Variants in CCDC148 observed in about 807,000 individuals in gnomAD.
CCDC148 encodes the protein coiled-coil domain-containing protein 148.
A neutral mutation model predicts 85.7 loss-of-function variants in CCDC148; 89 were observed. The observed-to-expected ratio is 1.04, with a 90% confidence interval of 0.87 to 1.24. CCDC148 has a LOEUF of 1.24. Among genes scored for constraint, CCDC148 ranks in the 50% most tolerant of loss-of-function variants. The pLI, the probability that CCDC148 is intolerant of heterozygous loss-of-function variation, is 0.00. For synonymous variants in CCDC148, 230 were observed against 213.9 expected, an observed-to-expected ratio of 1.08 and a Z score of -0.66; for missense variants, 692 against 671.7, an observed-to-expected ratio of 1.03 and a Z score of -0.33.
intron 2 of CCDC148, among the ~76,000 whole-genome samples, chr2:158,354,751 C>A (rs926153708): frequency 2.0e-5 from 3 of 150,286 alleles, no homozygotes; most frequent in Non-Finnish European, 4.5e-5. Flanking sequence ...ATTCTGATAC[C>A]AAAGCCGGGC....
intron 7 of CCDC148, among the ~76,000 whole-genome samples, chr2:158,314,330 C>T (rs1482043906): frequency 6.6e-6 from 1 of 151,928 alleles, no homozygotes; most frequent in Admixed American, 6.6e-5. Context: ...AATTATGTAA[C>T]GGAAAATAAA....
chr2:158,259,688 T>C (rs1396344375), intron 9 of CCDC148, among the ~76,000 whole-genome samples: 1 of 151,972 alleles, frequency 6.6e-6, no homozygotes, highest in Non-Finnish European at 1.5e-5. Context: ...TATTCATTTA[T>C]TTGTATACCA....
chr2:158,285,311 T>C (rs900533551), intron 9 of CCDC148, among the ~76,000 whole-genome samples: 1 of 145,604 alleles, frequency 6.9e-6, no homozygotes, highest in Admixed American at 6.8e-5. Context: ...AAAAAATCAG[T>C]GTATGAGATT....
intron 9 of CCDC148, among the ~76,000 whole-genome samples, chr2:158,274,544 T>C (rs1403468890): frequency 6.6e-6 from 1 of 152,220 alleles, no homozygotes; most frequent in Non-Finnish European, 1.5e-5. Flanking sequence ...TTTTTATTTC[T>C]CTTTTACATT....
chr2:158,437,360 G>C (rs1687708802), intron 1 of CCDC148, among the ~76,000 whole-genome samples: 1 of 152,102 alleles, frequency 6.6e-6, no homozygotes, highest in African/African-American at 2.4e-5. Flanking sequence ...CACATAAACA[G>C]AACCAAAGAC....
At chr2:158,188,748 A>G (rs1398717976) in intron 11 of CCDC148, among the ~76,000 whole-genome samples, 1 of 152,082 alleles carries the variant, frequency 6.6e-6, no homozygotes, top group African/African-American at 2.4e-5. Flanking sequence ...GTAGGACCTA[A>G]TTAAACTAAA....
intron 1 of CCDC148, among the ~76,000 whole-genome samples, chr2:158,407,684 T>C (rs1390994046): frequency 6.6e-5 from 10 of 152,160 alleles, no homozygotes; most frequent in Admixed American, 1.3e-4. Flanking sequence ...TTAAAAATAA[T>C]GTGGGTCCCA....
chr2:158,347,892 G>C (rs892183248), intron 2 of CCDC148, among the ~76,000 whole-genome samples: 2 of 151,930 alleles, frequency 1.3e-5, no homozygotes, highest in African/African-American at 4.8e-5. Context: ...ATAAAGAACT[G>C]TTAACATAAA....
rs1682541302 is a variant in CCDC148 at position 158,339,103 on chromosome 2, C to A, written c.487-18G>T. 6.5e-7 allele frequency: 1 copy of A among 1,548,818 alleles called. No homozygotes were observed. Among genetic ancestry groups the A allele is most frequent in the South Asian group, 1.1e-5 (1 of 88,334 alleles). Reference sequence around the variant, plus strand: ...AAGTCAACCTATAGGACATTTGGAACAAGTAGTAGGCAAATTATTGCAATT... The same window carrying A: ...AAGTCAACCTATAGGACATTTGGAAAAAGTAGTAGGCAAATTATTGCAATT... On this transcript the variant is annotated intron_variant, in intron 5 of 13. Coordinates refer to ENST00000283233, the MANE Select transcript of CCDC148 (RefSeq NM_138803.4).
chr2:158,321,961 G>A (rs62184079), intron 7 of CCDC148, among the ~76,000 whole-genome samples: 8,897 of 152,194 alleles, frequency 0.058, 360 homozygotes, highest in Non-Finnish European at 0.081. Flanking sequence ...GAACATGAAC[G>A]TGACACTGAT....
At chr2:158,426,299 A>G (rs191956582) in intron 1 of CCDC148, among the ~76,000 whole-genome samples, 83 of 152,202 alleles carry the variant, frequency 5.5e-4, no homozygotes, top group African/African-American at 1.9e-3. Context: ...ACTGAACAAA[A>G]TATTTTCTAT....
chr2:158,283,680 A>G (rs1690460205), intron 9 of CCDC148, among the ~76,000 whole-genome samples: 1 of 152,028 alleles, frequency 6.6e-6, no homozygotes, highest in African/African-American at 2.4e-5. Context: ...TGTTGGTGGG[A>G]CTGTAAACTA....
chr2:158,266,842 ATG>A lies in CCDC148; in HGVS notation c.1111-15932_1111-15931del, dbSNP rs537881676. On this transcript the variant is annotated intron_variant, in intron 9 of 13. Transcript: ENST00000283233. ...TCAGTACTAGTATTCCAGTACATATATGTGTGTGTGTCTGTGTGTGTGTGTGT... is the reference window on the plus strand; with the variant it reads ...TCAGTACTAGTATTCCAGTACATATATGTGTGTGTCTGTGTGTGTGTGTGT... 1.8e-4 allele frequency among the ~76,000 whole-genome samples: 27 copies of A among 149,128 alleles called. No homozygotes were observed. The South Asian group carries it at 5.7e-3, about 31-fold the overall frequency.
chr2:158,269,197 C>A (rs1203240889), intron 9 of CCDC148, among the ~76,000 whole-genome samples: 1 of 152,106 alleles, frequency 6.6e-6, no homozygotes, highest in Non-Finnish European at 1.5e-5. Context: ...TAGAAGAATT[C>A]CTTTTTCTCT....
At chr2:158,278,831 G>A (rs546311075) in intron 9 of CCDC148, among the ~76,000 whole-genome samples, 1 of 152,360 alleles carries the variant, frequency 6.6e-6, no homozygotes, top group East Asian at 1.9e-4. Context: ...CTCCTCAAGT[G>A]GGTCTCCGAC....
intron 10 of CCDC148, among the ~76,000 whole-genome samples, chr2:158,239,055 C>T (rs1308863542): frequency 6.6e-6 from 1 of 152,050 alleles, no homozygotes; most frequent in Non-Finnish European, 1.5e-5. Context: ...AAGTATCTAC[C>T]CCTTAGGGCT....
chr2:158,287,754 T>G (rs930649247), intron 9 of CCDC148, among the ~76,000 whole-genome samples: 1 of 152,210 alleles, frequency 6.6e-6, no homozygotes, highest in Non-Finnish European at 1.5e-5. Flanking sequence ...GTGCAAGCTG[T>G]TGGTTGATCT....
At chr2:158,413,173 A>G (rs1373250532) in intron 1 of CCDC148, among the ~76,000 whole-genome samples, 2 of 152,144 alleles carry the variant, frequency 1.3e-5, no homozygotes, top group African/African-American at 4.8e-5. Context: ...AAGAAATTGT[A>G]AAGGAGTCTT....
chr2:158,273,330 T>C (rs1301381161), intron 9 of CCDC148, among the ~76,000 whole-genome samples: 1 of 152,112 alleles, frequency 6.6e-6, no homozygotes, highest in Non-Finnish European at 1.5e-5. Context: ...ATACCCCCAA[T>C]GTCCCGAGAT....
Sources: allele counts gnomAD v4.1 joint callset (sites outside exome capture counted in the v4.1 genomes callset), GRCh38; gene constraint gnomAD v4.1.1; transcripts MANE v1.5; gene names NCBI Gene and HGNC (gene_info 2026-07-23, HGNC 2026-07-21).